Variants in GSE1 observed in about 807,000 individuals in gnomAD.
GSE1 encodes the protein genetic suppressor element 1.
In GSE1, 32 loss-of-function variants were observed where a neutral mutation model predicts 112.6. That is an observed-to-expected ratio of 0.28 (90% confidence interval 0.21 to 0.38). GSE1 has a LOEUF of 0.38. GSE1 is among the 10% of genes least tolerant of loss of function. The probability of loss-of-function intolerance (pLI) is 1.00; values close to 1 mark genes in which losing one functional copy is unlikely to be tolerated. For synonymous variants in GSE1, 1,115 were observed against 735.6 expected (o/e 1.52, Z -8.35); for missense variants, 2,348 against 1,699.2 (o/e 1.38, Z -6.71).
chr16:85,335,930 C>T (rs1485046158), intron 1 of GSE1, among the ~76,000 whole-genome samples: 1 of 152,194 alleles, frequency 6.6e-6, no homozygotes, highest in Admixed American at 6.5e-5. Context: ...GCATGCTGAC[C>T]GGCTGGCCTG....
At chr16:85,553,044 G>GT (rs1160127781), upstream of GSE1, among the ~76,000 whole-genome samples, 2 of 143,060 alleles carry the variant, frequency 1.4e-5, no homozygotes, top group African/African-American at 4.9e-5. Flanking sequence ...TTTAAAAATA[G>GT]TTTTCTTTTT....
At chr16:85,666,433 C>T (rs1264745757) in intron 13 of GSE1, 86 bp downstream of exon 13, 11 of 1,286,974 alleles carry the variant, frequency 8.5e-6, no homozygotes, top group East Asian at 2.3e-5. Context: ...CTCAGCCGTT[C>T]AGCCGTGGGC....
chr16:85,554,405 CT>C (rs1370151898), upstream of GSE1, among the ~76,000 whole-genome samples: 1 of 152,154 alleles, frequency 6.6e-6, no homozygotes, highest in African/African-American at 2.4e-5. Context: ...GCTTTCGTTA[CT>C]ATGGTGCAGC....
intron 2 of GSE1, among the ~76,000 whole-genome samples, chr16:85,540,129 T>A (rs544769039): frequency 2.0e-5 from 3 of 152,356 alleles, no homozygotes; most frequent in Non-Finnish European, 4.4e-5. Flanking sequence ...GTTTGTTGTT[T>A]GCCTGGTTAT....
chr16:85,195,051 C>T (rs908559963), intron 1 of GSE1, among the ~76,000 whole-genome samples: 1 of 152,114 alleles, frequency 6.6e-6, no homozygotes, highest in African/African-American at 2.4e-5. Context: ...GAGAAACAGA[C>T]CTGTTCAGAC....
intron 2 of GSE1, among the ~76,000 whole-genome samples, chr16:85,647,264 C>G (rs1010693089): frequency 6.6e-6 from 1 of 152,160 alleles, no homozygotes; most frequent in African/African-American, 2.4e-5. Context: ...TGCACCCTCC[C>G]CCTGCTACCC....
intron 2 of GSE1, chr16:85,357,722 C>T (rs2151572341): frequency 1.0e-6 from 1 of 961,464 alleles, no homozygotes; most frequent in Non-Finnish European, 1.4e-6. Context: ...GCTCCCAGAG[C>T]CGAGTTCAGA....
intron 2 of GSE1, among the ~76,000 whole-genome samples, chr16:85,535,749 C>T (rs746263607): frequency 2.6e-5 from 4 of 152,182 alleles, no homozygotes; most frequent in South Asian, 2.1e-4. Context: ...CCTGGCTAGG[C>T]GCCAATGGGA....
intron 1 of GSE1, among the ~76,000 whole-genome samples, chr16:85,556,661 G>T (rs1268819957): frequency 6.6e-6 from 1 of 150,444 alleles, no homozygotes; most frequent in Non-Finnish European, 1.5e-5. Flanking sequence ...GCGGCGGAGC[G>T]AGCGGCCGAG....
intron 2 of GSE1, among the ~76,000 whole-genome samples, chr16:85,647,895 G>A (rs922967166): frequency 2.0e-5 from 3 of 152,124 alleles, no homozygotes; most frequent in Non-Finnish European, 4.4e-5. Context: ...AGTGCTGACC[G>A]CTTCTTGTGT....
chr16:85,588,342 G>GC (rs1369445442), intron 1 of GSE1, among the ~76,000 whole-genome samples: 8 of 152,122 alleles, frequency 5.3e-5, no homozygotes, highest in Non-Finnish European at 1.2e-4. Context: ...TGGCTGACTG[G>GC]CCCCCCCTTC....
intron 1 of GSE1, among the ~76,000 whole-genome samples, chr16:85,211,478 G>A (rs983809952): frequency 1.3e-5 from 2 of 152,202 alleles, no homozygotes; most frequent in African/African-American, 4.8e-5. Context: ...CTGCCGCGCT[G>A]TGTCACCTTA....
At chr16:85,622,658 T>C (rs2048815051) in intron 1 of GSE1, among the ~76,000 whole-genome samples, 1 of 152,218 alleles carries the variant, frequency 6.6e-6, no homozygotes, top group African/African-American at 2.4e-5. Context: ...CAAAGGCGGA[T>C]GTAACTGTTT....
At chr16:85,539,804 G>A (rs6540043) in intron 2 of GSE1, among the ~76,000 whole-genome samples, 1 of 151,988 alleles carries the variant, frequency 6.6e-6, no homozygotes, top group Non-Finnish European at 1.5e-5. Flanking sequence ...CTCCCTGAAG[G>A]CCTTAGTCCA....
In GSE1 at chr16:85,656,409, G is replaced by T; in HGVS notation, c.1056G>T (p.Glu352Asp). 1 of 1,566,874 alleles carries T rather than the reference G, an allele frequency of 6.4e-7. No homozygotes were observed. The highest frequency in any genetic ancestry group is 8.7e-7 in the Non-Finnish European group (1 of 1,149,722). Residue 352 changes from glutamate (E) to aspartate (D), a missense_variant, in exon 7 of 16, where the codon GAG becomes GAT. Glu to Asp is a conservative substitution (Grantham distance 45). Coordinates refer to ENST00000253458, the MANE Select transcript of GSE1 (RefSeq NM_014615.5). ...EREREREREREADREREKERE... is the reference protein window; with the variant it reads ...ERERERERERDADREREKERE... The stretch of plus-strand genomic sequence containing the variant: ...AGCGCGAGCGCGAGCGTGAGCGTGA[G>T]GCTGACCGCGAGCGGGAGAAGGAAC...
intron 1 of GSE1, among the ~76,000 whole-genome samples, chr16:85,203,439 C>T (rs2075063955): frequency 6.6e-6 from 1 of 152,188 alleles, no homozygotes; most frequent in Non-Finnish European, 1.5e-5. Context: ...GCACGTGGGA[C>T]ACGGCCTGCC....
At chr16:85,251,691 C>G (rs747735346) in intron 1 of GSE1, among the ~76,000 whole-genome samples, 5 of 152,242 alleles carry the variant, frequency 3.3e-5, no homozygotes, top group Non-Finnish European at 7.3e-5. Flanking sequence ...ACACGCAGGC[C>G]TCTGCTGCGG....
intron 2 of GSE1, among the ~76,000 whole-genome samples, chr16:85,444,259 C>A (rs1265015771): frequency 6.6e-6 from 1 of 152,222 alleles, no homozygotes; most frequent in African/African-American, 2.4e-5. Context: ...GCTGGGATTA[C>A]AGGCGTAAGC....
At chr16:85,598,304 C>T (rs563650006) in intron 1 of GSE1, among the ~76,000 whole-genome samples, 1 of 151,924 alleles carries the variant, frequency 6.6e-6, no homozygotes, top group African/African-American at 2.4e-5. Context: ...TGCCAGCACC[C>T]AGCTGCGCAG....
Sources: gnomAD v4.1 joint callset for allele counts (sites outside exome capture counted in the v4.1 genomes callset) on GRCh38, gnomAD v4.1.1 for gene constraint, MANE v1.5 for transcripts, NCBI Gene and HGNC (gene_info 2026-07-23, HGNC 2026-07-21) for gene names.